The following ZNF804B variants were observed in gnomAD, a reference collection of about 807,000 sequenced individuals.
ZNF804B encodes the protein zinc finger 804B.
Under a neutral mutation model 101.4 loss-of-function variants are expected in ZNF804B, and 80 were observed. That is an observed-to-expected ratio of 0.79 (90% confidence interval 0.66 to 0.95). The LOEUF (loss-of-function observed/expected upper bound fraction) is 0.95. Among genes scored for constraint, ZNF804B ranks in the 40% least tolerant of loss-of-function variants. The pLI, the probability that ZNF804B is intolerant of heterozygous loss-of-function variation, is 0.00. For synonymous variants in ZNF804B, 622 were observed against 558.8 expected (o/e 1.11, Z -1.59); for missense variants, 1,673 against 1,561.9 (o/e 1.07, Z -1.20).
chr7:89,024,597 CTTTTTTT>C (rs71120052), intron 1 of ZNF804B, among the ~76,000 whole-genome samples: 2 of 94,216 alleles, frequency 2.1e-5, no homozygotes, highest in African/African-American at 8.5e-5. Flanking sequence ...AAAGCTATTA[CTTTTTTT>C]TTTTTTTTTT....
At chr7:89,299,976 A>ATTG (rs1790449863) in intron 2 of ZNF804B, among the ~76,000 whole-genome samples, 1 of 151,814 alleles carries the variant, frequency 6.6e-6, no homozygotes, top group Non-Finnish European at 1.5e-5. Context: ...TAATTTCCCA[A>ATTG]CAATTAATTC....
intron 1 of ZNF804B, among the ~76,000 whole-genome samples, chr7:89,115,512 G>GAAGA (rs1790296104): frequency 6.6e-6 from 1 of 152,166 alleles, no homozygotes; most frequent in South Asian, 2.1e-4. Context: ...ATACAGTGGA[G>GAAGA]AAGAGTAAGA....
chr7:89,335,914 C>T lies in ZNF804B; in HGVS notation c.2932C>T (p.Pro978Ser), dbSNP rs1270868587. Residue 978 changes from proline to serine, a missense_variant, in exon 4 of 4, where the codon CCT (proline) becomes TCT (serine). By Grantham distance (74) the Pro-to-Ser change is moderately conservative (BLOSUM62 -1). Coordinates refer to ENST00000333190, the MANE Select transcript of ZNF804B (RefSeq NM_181646.5). ...APSGCNRQAL[P>S]LSEKIQYASE... ...ATCAGGCTGTAACAGACAAGCATTG[C>T]CTTTGTCTGAAAAAATACAGTATGC... 3 of 1,614,054 alleles carry T rather than the reference C, an allele frequency of 1.9e-6. No individual in the cohort carries two copies. The highest frequency in any genetic ancestry group is 2.5e-6 in the Non-Finnish European group (3 of 1,179,972).
chr7:89,327,318 C>G, intron 2 of ZNF804B, 26 bp from the exon 3 acceptor site: 1 of 1,568,424 alleles, frequency 6.4e-7, no homozygotes, highest in Non-Finnish European at 8.6e-7. Flanking sequence ...TTTATAGTAC[C>G]TTTTTGGTTT....
chr7:88,828,120 G>A (rs1034931128), intron 1 of ZNF804B, among the ~76,000 whole-genome samples: 4 of 152,004 alleles, frequency 2.6e-5, no homozygotes, highest in African/African-American at 9.7e-5. Flanking sequence ...TGGCCTACAA[G>A]GTCGTCAGTG....
In ZNF804B at chr7:89,220,092, C is replaced by T. The variant is rs573130130; in HGVS notation, c.249+1797C>T. 2.5e-4 allele frequency among the ~76,000 whole-genome samples: 26 copies of T among 102,614 alleles called. 3 individuals are homozygous for T. In the East Asian group the frequency reaches 3.7e-3, roughly 14 times the overall value. 67.3% of individuals were successfully genotyped at this position (102,614 alleles called of 152,430 possible). A position where few individuals can be genotyped will look rare whatever the true frequency, so the allele number is the denominator to read the frequency against. Reference sequence around the variant, plus strand: ...ATATATGTGTATATACATATATATACGCACATATATATGTGTGTATATACA... The same window carrying T: ...ATATATGTGTATATACATATATATATGCACATATATATGTGTGTATATACA... On this transcript the variant is annotated intron_variant, in intron 2 of 3. Coordinates refer to ENST00000333190, the MANE Select transcript of ZNF804B (RefSeq NM_181646.5).
At position 89,043,127 on chromosome 7, in the gene ZNF804B, G is replaced by A. The variant is rs187916608; in HGVS notation, c.109-175028G>A. On this transcript the variant is annotated intron_variant, in intron 1 of 3. Transcript: ENST00000333190. ...AATGCTGAAAGCAGAAACTTGAGAC[G>A]CTCCTTTAAAAAAATGACTTGTAAA... 1.4e-4 allele frequency among the ~76,000 whole-genome samples: 21 copies of A among 152,202 alleles called. No individual in the cohort carries two copies. In the Middle Eastern group the frequency reaches 0.02, roughly 148 times the overall value.
chr7:89,288,215 G>A (rs545499996), intron 2 of ZNF804B, among the ~76,000 whole-genome samples: 170 of 152,032 alleles, frequency 1.1e-3, no homozygotes, highest in African/African-American at 3.6e-3. Context: ...TTATTGTGAC[G>A]CATAAAGAGA....
chr7:89,057,221 T>C (rs1321363326), intron 1 of ZNF804B, among the ~76,000 whole-genome samples: 6 of 152,140 alleles, frequency 3.9e-5, no homozygotes, highest in Admixed American at 3.9e-4. Flanking sequence ...AGGAATCCTG[T>C]CTGTAGGAAC....
intron 1 of ZNF804B, among the ~76,000 whole-genome samples, chr7:88,790,902 G>A (rs908227925): frequency 1.3e-5 from 2 of 152,024 alleles, no homozygotes; most frequent in Non-Finnish European, 2.9e-5. Flanking sequence ...TTTATCAAAT[G>A]TACCCAAACA....
intron 1 of ZNF804B, among the ~76,000 whole-genome samples, chr7:89,103,323 G>A (rs1229514806): frequency 1.3e-5 from 2 of 151,164 alleles, no homozygotes; most frequent in Admixed American, 6.6e-5. Flanking sequence ...GGGTAATGTG[G>A]TTATTTTAAT....
chr7:89,328,905 A>C (rs1790934935), intron 3 of ZNF804B, among the ~76,000 whole-genome samples: 1 of 151,772 alleles, frequency 6.6e-6, no homozygotes. Context: ...TCTGGAGTAA[A>C]TAACAAAGAA....
At chr7:88,920,164 A>G (rs1180019813) in intron 1 of ZNF804B, among the ~76,000 whole-genome samples, 1 of 152,132 alleles carries the variant, frequency 6.6e-6, no homozygotes, top group Non-Finnish European at 1.5e-5. Context: ...ATTTTAAAGA[A>G]TTATCATAAA....
Position 89,031,674 on chromosome 7 carries a change from T to TC in ZNF804B, c.109-186478dup, listed in dbSNP as rs1554357195. Among the ~76,000 whole-genome samples, 530 of 150,812 alleles carry TC rather than the reference T, an allele frequency of 3.5e-3. 2 individuals carry two copies. Among genetic ancestry groups the TC allele is most frequent in the African/African-American group, 0.012 (492 of 41,160 alleles). On this transcript the variant is annotated intron_variant, in intron 1 of 3. Transcript: ENST00000333190. ...CTTCTGGTTTTTGTTTTTTTTTTTT[T>TC]CCCAAATGTACAGCGAAAGATTTGA...
intron 2 of ZNF804B, among the ~76,000 whole-genome samples, chr7:89,253,025 G>C (rs192699120): frequency 6.6e-6 from 1 of 151,926 alleles, no homozygotes; most frequent in Non-Finnish European, 1.5e-5. Flanking sequence ...TAAGATGAAA[G>C]TTGACATTAT....
At chr7:89,272,620 C>T (rs115780966) in intron 2 of ZNF804B, among the ~76,000 whole-genome samples, 193 of 152,124 alleles carry the variant, frequency 1.3e-3, no homozygotes, top group African/African-American at 3.6e-3. Context: ...TAAGTTTTCC[C>T]GCTACCCCTT....
Position 89,152,126 on chromosome 7 carries a change from T to C in ZNF804B, c.109-66029T>C, listed in dbSNP as rs562605398. ...GGGATATTATGCAGTATTATTTATA[T>C]GGATTTGGCTTACCATCTTTTGCTT... is the stretch of plus-strand genomic sequence containing the variant. On this transcript the variant is annotated intron_variant, in intron 1 of 3. Coordinates refer to ENST00000333190, the MANE Select transcript of ZNF804B (RefSeq NM_181646.5). Among the ~76,000 whole-genome samples the C allele has an allele frequency of 2.6e-5, 4 of 152,316 alleles. No individual in the cohort carries two copies. In the East Asian group the frequency reaches 7.7e-4, roughly 29 times the overall value.
intron 2 of ZNF804B, among the ~76,000 whole-genome samples, chr7:89,273,790 C>G (rs988412083): frequency 6.6e-6 from 1 of 152,156 alleles, no homozygotes; most frequent in African/African-American, 2.4e-5. Context: ...ATTTAATTCT[C>G]ATTTCCTAGG....
chr7:89,162,422 T>C (rs1392161259), intron 1 of ZNF804B, among the ~76,000 whole-genome samples: 1 of 152,106 alleles, frequency 6.6e-6, no homozygotes, highest in African/African-American at 2.4e-5. Flanking sequence ...GACCCAAAAA[T>C]AGAATCTAGA....
Sources: allele counts gnomAD v4.1 joint callset (sites outside exome capture counted in the v4.1 genomes callset), GRCh38; gene constraint gnomAD v4.1.1; transcripts MANE v1.5; gene names NCBI Gene and HGNC (gene_info 2026-07-23, HGNC 2026-07-21).